Variants in CACNG4 observed in about 807,000 individuals in gnomAD.
CACNG4 encodes voltage-dependent calcium channel gamma-4 subunit.
A neutral mutation model predicts 22.9 loss-of-function variants in CACNG4; 8 were observed. The observed-to-expected ratio is 0.35, with a 90% CI of 0.21 to 0.63. CACNG4 has a LOEUF of 0.63. Among genes scored for constraint, CACNG4 ranks in the 30% least tolerant of loss-of-function variants. The pLI, the probability that CACNG4 is intolerant of heterozygous loss-of-function variation, is 0.72. For missense variants in CACNG4, 357 were observed against 455.4 expected (o/e 0.78, Z 1.97); for synonymous variants, 188 against 191.9 (o/e 0.98, Z 0.17).
At chr17:66,983,490 C>T (rs1020913682) in intron 1 of CACNG4, among the ~76,000 whole-genome samples, 4 of 152,148 alleles carry the variant, frequency 2.6e-5, no homozygotes, top group African/African-American at 4.8e-5. Flanking sequence ...GGTGTGTCCC[C>T]GTGGTTGCCA....
intron 2 of CACNG4, among the ~76,000 whole-genome samples, chr17:67,019,128 C>T (rs2035517456): frequency 1.3e-5 from 2 of 152,288 alleles, no homozygotes; most frequent in East Asian, 1.9e-4. Flanking sequence ...TCAGACCCAG[C>T]CTTGTTGATG....
At chr17:66,990,902 G>C (rs572426380) in intron 1 of CACNG4, among the ~76,000 whole-genome samples, 3 of 151,974 alleles carry the variant, frequency 2.0e-5, no homozygotes, top group Non-Finnish European at 2.9e-5. Context: ...GGATGGTCTC[G>C]ATCTCCTGAC....
Position 67,030,760 on chromosome 17 carries a change from C to T in CACNG4, c.740C>T (p.Ser247Leu). The part of the protein sequence containing the change: ...RYRRRRSRSS[S>L]RSTEASPSRD... ...CGGCGACGGCGCTCGAGGTCCAGCT[C>T]AAGGTCCACCGAGGCCTCGCCCTCC... is the stretch of plus-strand genomic sequence containing the variant. Residue 247 changes from serine (S) to leucine (L), a missense_variant, in exon 4 of 4, where the codon TCA (serine) becomes TTA (leucine). Around this residue, in one of 3 missense-constraint regions of CACNG4, gnomAD observed 240 missense variants for 277.6 expected, o/e 0.86. Coordinates refer to ENST00000262138, the MANE Select transcript of CACNG4 (RefSeq NM_014405.4). The surrounding 1 kb of genome is among the most constrained non-coding windows in gnomAD (Gnocchi z 6.4). The T allele has an allele frequency of 6.2e-7, 1 of 1,614,232 alleles. No individual in the cohort carries two copies. Among genetic ancestry groups the T allele is most frequent in the Non-Finnish European group, 8.5e-7 (1 of 1,180,034 alleles).
At chr17:67,010,413 C>T (rs1448773461) in intron 1 of CACNG4, among the ~76,000 whole-genome samples, 2 of 152,100 alleles carry the variant, frequency 1.3e-5, no homozygotes. Flanking sequence ...CCTTGGTGTA[C>T]GAAGTAGGGG....
intron 1 of CACNG4, among the ~76,000 whole-genome samples, chr17:67,004,341 C>T (rs1217529849): frequency 1.3e-5 from 2 of 152,276 alleles, no homozygotes; most frequent in Middle Eastern, 3.4e-3. Flanking sequence ...CTGGAAAATC[C>T]TGGCCCTCTC....
intron 1 of CACNG4, among the ~76,000 whole-genome samples, chr17:66,973,237 TAAAA>T (rs10718135): frequency 1.4e-5 from 2 of 141,878 alleles, no homozygotes. Flanking sequence ...AAGACTCCAT[TAAAA>T]AAAAAAAAAA....
At chr17:67,016,075 C>T (rs1368359095) in intron 1 of CACNG4, among the ~76,000 whole-genome samples, 3 of 152,014 alleles carry the variant, frequency 2.0e-5, no homozygotes, top group South Asian at 2.1e-4. Flanking sequence ...CATGAAGGAG[C>T]GAGGGTGGGT....
chr17:66,981,827 G>C (rs567775168), intron 1 of CACNG4, among the ~76,000 whole-genome samples: 1 of 152,304 alleles, frequency 6.6e-6, no homozygotes, highest in Non-Finnish European at 1.5e-5. Flanking sequence ...CTTTCCATAT[G>C]TTATCTCAAC....
intron 1 of CACNG4, among the ~76,000 whole-genome samples, chr17:66,967,776 T>G (rs2035179087): frequency 6.6e-6 from 1 of 152,012 alleles, no homozygotes; most frequent in African/African-American, 2.4e-5. Context: ...CTCTGAAGGG[T>G]TTGCTGGCAA....
chr17:67,024,971 T>G lies in CACNG4; in HGVS notation c.416T>G (p.Leu139Arg). The G allele has an allele frequency of 6.2e-7, 1 of 1,602,930 alleles. No individual in the cohort carries two copies. ...RIYSRKNNIV[L>R]SAGILFVAAG... ...TACAGCCGCAAGAACAACATCGTCC[T>G]CAGTGCCGGCATCCTCTTCGTGGCT... The change falls in exon 3 of 4, where the codon CTC becomes CGC. Residue 139 changes from leucine to arginine, a missense_variant. This residue lies in a region of CACNG4 where 240 missense variants were observed against 277.6 expected (regional missense o/e 0.86). Coordinates refer to ENST00000262138, the MANE Select transcript of CACNG4 (RefSeq NM_014405.4).
At chr17:66,974,299 G>C (rs1477777928) in intron 1 of CACNG4, among the ~76,000 whole-genome samples, 2 of 152,176 alleles carry the variant, frequency 1.3e-5, no homozygotes, top group Non-Finnish European at 2.9e-5. Flanking sequence ...AATAAAAGGG[G>C]AATATTTCAT....
At position 67,027,437 on chromosome 17, in the gene CACNG4, T is replaced by C. The variant is rs2035575006; in HGVS notation, c.445+2437T>C. On this transcript the variant is annotated intron_variant, in intron 3 of 3. Transcript: ENST00000262138. This position sits in a 1 kb window ranked among gnomAD's most constrained non-coding sequence, Gnocchi z 4.3. ...TATTCCCTGGCGCATGGGGCACTGA[T>C]GGGGACTGAGCAGGGCAGCAGGCAC... Among the ~76,000 whole-genome samples, 2 of 152,126 alleles carry C rather than the reference T, an allele frequency of 1.3e-5. No homozygotes were observed. The highest frequency in any genetic ancestry group is 4.8e-5 in the African/African-American group (2 of 41,434).
At chr17:67,028,057 A>G (rs2035578730) in intron 3 of CACNG4, among the ~76,000 whole-genome samples, 1 of 151,136 alleles carries the variant, frequency 6.6e-6, no homozygotes, top group Non-Finnish European at 1.5e-5. Context: ...CTAGTAGGGT[A>G]AAAAAAAACC....
Position 67,016,571 on chromosome 17 carries a change from G to T in CACNG4, c.221-1618G>T, listed in dbSNP as rs555770124. 3.3e-5 allele frequency among the ~76,000 whole-genome samples: 5 copies of T among 152,308 alleles called. 1 individual carries two copies. In the South Asian group the frequency reaches 1.0e-3, roughly 32 times the overall value. On this transcript the variant is annotated intron_variant, in intron 1 of 3. Transcript: ENST00000262138. ...GGTGGACGTGCACCCGGACCCTGCC[G>T]CCAGGACTGTGCTCCTGACTGACTG...
chr17:67,031,157 G>A lies in CACNG4; in HGVS notation c.*153G>A, dbSNP rs1299485143. ...GAGGTGGCGTGGGCTGGCTTTGCACGAAGGTTGTGCTGGGAGACCGGACCC... is the reference window on the plus strand; with the variant it reads ...GAGGTGGCGTGGGCTGGCTTTGCACAAAGGTTGTGCTGGGAGACCGGACCC... On this transcript the variant is annotated 3_prime_UTR_variant, in exon 4 of 4. Transcript: ENST00000262138. The surrounding 1 kb of genome is among the most constrained non-coding windows in gnomAD (Gnocchi z 4.0). 1.3e-5 allele frequency: 11 copies of A among 816,552 alleles called. No individual in the cohort carries two copies. The highest frequency in any genetic ancestry group is 5.2e-5 in the South Asian group (3 of 57,898). 50.6% of individuals were successfully genotyped at this position (816,552 alleles called of 1,614,324 possible).
intron 2 of CACNG4, among the ~76,000 whole-genome samples, chr17:67,019,367 T>C (rs2035518782): frequency 6.6e-6 from 1 of 151,972 alleles, no homozygotes; most frequent in South Asian, 2.1e-4. Context: ...CTCCTCCTCC[T>C]CCTGTCTATG....
chr17:66,983,478 C>G (rs1408304305), intron 1 of CACNG4, among the ~76,000 whole-genome samples: 1 of 152,194 alleles, frequency 6.6e-6, no homozygotes, highest in Non-Finnish European at 1.5e-5. Flanking sequence ...ACCCGCCCCT[C>G]AGGTGTGTCC....
intron 1 of CACNG4, among the ~76,000 whole-genome samples, chr17:66,994,941 T>C (rs1455079587): frequency 6.6e-6 from 1 of 152,142 alleles, no homozygotes; most frequent in Non-Finnish European, 1.5e-5. Context: ...CGGAAATCTA[T>C]GGCTGTGGGA....
At chr17:66,981,445 C>T (rs1475916960) in intron 1 of CACNG4, among the ~76,000 whole-genome samples, 1 of 152,048 alleles carries the variant, frequency 6.6e-6, no homozygotes, top group Non-Finnish European at 1.5e-5. Context: ...CTTTGGTCTA[C>T]CCATCTCTGG....
Sources: allele counts gnomAD v4.1 joint callset (sites outside exome capture counted in the v4.1 genomes callset), GRCh38; gene constraint gnomAD v4.1.1; regional missense constraint gnomAD v4.1.1; non-coding constraint Gnocchi (gnomAD v3.1); transcripts MANE v1.5; gene names NCBI Gene and HGNC (gene_info 2026-07-23, HGNC 2026-07-21).